Variants in DCP1B observed in about 807,000 individuals in gnomAD.
The protein encoded by DCP1B is mRNA-decapping enzyme 1B.
Under a neutral mutation model 60.5 loss-of-function variants are expected in DCP1B, and 47 were observed. The observed-to-expected ratio is 0.78, with a 90% CI of 0.61 to 0.99. The LOEUF (loss-of-function observed/expected upper bound fraction) is 0.99. Ranked by LOEUF, DCP1B falls within the 50% of genes least tolerant of loss-of-function variation. DCP1B has a pLI of 0.00. For synonymous variants in DCP1B, 267 were observed against 280.3 expected (o/e 0.95, Z 0.47); for missense variants, 725 against 756.8 (o/e 0.96, Z 0.49).
chr12:2,002,512 C>T (rs139506931), intron 1 of DCP1B, among the ~76,000 whole-genome samples: 79 of 152,316 alleles, frequency 5.2e-4, no homozygotes, highest in African/African-American at 1.8e-3. Flanking sequence ...TGTGACACAT[C>T]TGCTTTTTGA....
At chr12:1,993,627 G>GGTGTGTGTGT (rs150056084) in intron 2 of DCP1B, among the ~76,000 whole-genome samples, 42,983 of 146,406 alleles carry the variant, frequency 0.29, 6,521 homozygotes, top group East Asian at 0.59. Flanking sequence ...CTTCATTTGT[G>GGTGTGTGTGT]GTGTGTGTGT....
chr12:1,995,490 G>A (rs1012331684), intron 2 of DCP1B, among the ~76,000 whole-genome samples: 3 of 152,358 alleles, frequency 2.0e-5, no homozygotes, highest in African/African-American at 4.8e-5. Flanking sequence ...ATATACCAAC[G>A]GTTCTTGGGT....
At chr12:1,979,142 G>T (rs111353512) in intron 3 of DCP1B, among the ~76,000 whole-genome samples, 4,137 of 152,102 alleles carry the variant, frequency 0.027, 95 homozygotes, top group Middle Eastern at 0.054. Flanking sequence ...GCTCCCAAGT[G>T]GCTGGGATTA....
chr12:1,979,375 T>C (rs2035441703), intron 3 of DCP1B, among the ~76,000 whole-genome samples: 1 of 152,094 alleles, frequency 6.6e-6, no homozygotes, highest in South Asian at 2.1e-4. Flanking sequence ...AGTGCAGTGG[T>C]GCCATCTTGG....
chr12:1,967,673 T>G (rs972159399), intron 4 of DCP1B, among the ~76,000 whole-genome samples, 171 bp downstream of exon 4: 1 of 152,266 alleles, frequency 6.6e-6, no homozygotes, highest in Non-Finnish European at 1.5e-5. Context: ...TGCGGCAAGT[T>G]GTTCTTACGT....
chr12:1,965,318 A>G (rs1375047241), intron 5 of DCP1B, among the ~76,000 whole-genome samples: 6 of 152,216 alleles, frequency 3.9e-5, no homozygotes, highest in Non-Finnish European at 2.9e-5. Context: ...TATTGTATAC[A>G]TGAAGGCTAT....
chr12:1,970,274 G>C (rs1373978944), intron 3 of DCP1B, among the ~76,000 whole-genome samples: 1 of 152,148 alleles, frequency 6.6e-6, no homozygotes, highest in Non-Finnish European at 1.5e-5. Context: ...AATTATTTAA[G>C]ACATCGTGAA....
chr12:1,986,075 A>C (rs2037660810), intron 3 of DCP1B, among the ~76,000 whole-genome samples: 1 of 152,228 alleles, frequency 6.6e-6, no homozygotes, highest in South Asian at 2.1e-4. Flanking sequence ...GGCCTCCCAA[A>C]GTGCTGGGAT....
chr12:2,004,296 G>C lies in DCP1B; in HGVS notation c.136C>G (p.Arg46Gly). Residue 46 changes from arginine (R) to glycine (G), a missense_variant, in exon 1 of 9, where the codon CGG (arginine) becomes GGG (glycine). Arg to Gly is a moderately radical substitution (Grantham distance 125). Transcript: ENST00000280665. ...TCCGCACGCACCCACTCGTTGGCCCGATGGCCGAAGGTGTACAGAGCCACC... is the reference window on the plus strand; with the variant it reads ...TCCGCACGCACCCACTCGTTGGCCCCATGGCCGAAGGTGTACAGAGCCACC... ...SQVALYTFGH[R>G]ANEWEKTDVE... The C allele has an allele frequency of 6.2e-7, 1 of 1,613,186 alleles. No homozygotes were observed. The highest frequency in any genetic ancestry group is 2.2e-5 in the East Asian group (1 of 44,860).
At chr12:1,973,403 AAAAC>A (rs1355898959) in intron 3 of DCP1B, among the ~76,000 whole-genome samples, 4 of 152,254 alleles carry the variant, frequency 2.6e-5, no homozygotes, top group African/African-American at 4.8e-5. Context: ...AATGCCATTA[AAAAC>A]AAACAAAACT....
intron 3 of DCP1B, chr12:1,991,158 A>T: frequency 2.2e-6 from 1 of 456,130 alleles, no homozygotes; most frequent in Non-Finnish European, 4.4e-6. Context: ...AGAGCAGTAC[A>T]GGTGGTGTGG....
At chr12:1,965,017 G>A (rs1429361739) in intron 5 of DCP1B, among the ~76,000 whole-genome samples, 3 of 152,072 alleles carry the variant, frequency 2.0e-5, no homozygotes, top group African/African-American at 7.2e-5. Context: ...AAGTGGGGAG[G>A]GGAGGGGAAA....
intron 3 of DCP1B, among the ~76,000 whole-genome samples, chr12:1,977,371 T>G (rs2154461850): frequency 6.6e-6 from 1 of 152,296 alleles, no homozygotes; most frequent in East Asian, 1.9e-4. Flanking sequence ...CAGGAAGACA[T>G]TTTGGAAAGC....
chr12:1,996,661 A>C (rs2040986338), intron 2 of DCP1B, among the ~76,000 whole-genome samples: 1 of 106,330 alleles, frequency 9.4e-6, no homozygotes, highest in Non-Finnish European at 1.9e-5. Flanking sequence ...AAAAACAACA[A>C]ACTCTTCTAA....
downstream of DCP1B, among the ~76,000 whole-genome samples, chr12:1,943,305 A>G (rs1408207934): frequency 6.6e-6 from 1 of 152,202 alleles, no homozygotes; most frequent in Non-Finnish European, 1.5e-5. Flanking sequence ...GCAGTAATTA[A>G]TAGCCTATCA....
chr12:1,984,177 C>T (rs2036965653), intron 3 of DCP1B, among the ~76,000 whole-genome samples: 1 of 151,958 alleles, frequency 6.6e-6, no homozygotes, highest in South Asian at 2.1e-4. Flanking sequence ...CTTTTTTAAT[C>T]CAATCTGGCA....
chr12:1,944,932 A>G (rs1396058291), downstream of DCP1B, among the ~76,000 whole-genome samples: 2 of 152,226 alleles, frequency 1.3e-5, no homozygotes, highest in Non-Finnish European at 2.9e-5. Flanking sequence ...AAATTGACAA[A>G]TGGGATCTGA....
intron 5 of DCP1B, among the ~76,000 whole-genome samples, chr12:1,960,308 T>C (rs1344472112): frequency 6.6e-6 from 1 of 152,258 alleles, no homozygotes; most frequent in East Asian, 1.9e-4. Flanking sequence ...AAGTACTGCA[T>C]GATTTCACTC....
intron 2 of DCP1B, among the ~76,000 whole-genome samples, chr12:1,994,314 G>T (rs2040268526): frequency 6.6e-6 from 1 of 152,180 alleles, no homozygotes; most frequent in Admixed American, 6.5e-5. Flanking sequence ...CAAACCCACA[G>T]AAATGTTATG....
Sources: gnomAD v4.1 joint callset for allele counts (sites outside exome capture counted in the v4.1 genomes callset) on GRCh38, gnomAD v4.1.1 for gene constraint, MANE v1.5 for transcripts, NCBI Gene and HGNC (gene_info 2026-07-23, HGNC 2026-07-21) for gene names.